Variants in MARK3 observed in about 807,000 individuals in gnomAD.
MARK3 encodes microtubule affinity regulating kinase 3, also known as MAP/microtubule affinity-regulating kinase 3.
MARK3 carries 46 observed loss-of-function variants against 90.1 expected under a neutral mutation model. The observed-to-expected ratio is 0.51, with a 90% CI of 0.40 to 0.65. The LOEUF (loss-of-function observed/expected upper bound fraction) is 0.65. Ranked by LOEUF, MARK3 falls within the 30% of genes least tolerant of loss-of-function variation. The pLI is 0.00. For synonymous variants in MARK3, 321 were observed against 332.6 expected (o/e 0.97, Z 0.38); for missense variants, 818 against 947.2 (o/e 0.86, Z 1.79).
intron 10 of MARK3, among the ~76,000 whole-genome samples, 198 bp from the exon 11 acceptor site, chr14:103,466,881 G>A (rs2093513829): frequency 6.6e-6 from 1 of 152,036 alleles, no homozygotes; most frequent in Non-Finnish European, 1.5e-5. Flanking sequence ...GCTCATGCCT[G>A]TAATCCCAGC....
chr14:103,407,948 G>T (rs2091413259), intron 2 of MARK3, among the ~76,000 whole-genome samples: 1 of 152,062 alleles, frequency 6.6e-6, no homozygotes, highest in Non-Finnish European at 1.5e-5. Context: ...GAACATTTCT[G>T]AGAAGTAATC....
At chr14:103,390,324 G>C (rs1037256247) in intron 1 of MARK3, among the ~76,000 whole-genome samples, 3 of 152,224 alleles carry the variant, frequency 2.0e-5, no homozygotes, top group African/African-American at 4.8e-5. Context: ...AGGTTGCTGA[G>C]ACTCAGAGAG....
chr14:103,461,635 G>A (rs2093402606), intron 6 of MARK3, among the ~76,000 whole-genome samples: 1 of 152,202 alleles, frequency 6.6e-6, no homozygotes, highest in Admixed American at 6.5e-5. Context: ...GTTGCAGGGA[G>A]CAGGCTGAGA....
rs528077407 is a variant in MARK3, at chr14:103,476,553, T to C, written c.1482+1343T>C. 6.6e-5 allele frequency among the ~76,000 whole-genome samples: 10 copies of C among 152,328 alleles called. No individual in the cohort carries two copies. The South Asian group carries it at 2.1e-3, about 32-fold the overall frequency. On this transcript the variant is annotated intron_variant, in intron 13 of 17. Transcript: ENST00000429436. ...TTGAATCCATTCAGCTTCAGAAACT[T>C]TTTTCTGTGTATTGAAGTATGTTCT...
intron 3 of MARK3, among the ~76,000 whole-genome samples, chr14:103,437,526 C>T (rs1302441304): frequency 6.6e-6 from 1 of 152,226 alleles, no homozygotes; most frequent in African/African-American, 2.4e-5. Context: ...ATCCTCCTTC[C>T]GAGGATTCCA....
At chr14:103,448,395 G>A (rs535279355) in intron 3 of MARK3, among the ~76,000 whole-genome samples, 1 of 152,240 alleles carries the variant, frequency 6.6e-6, no homozygotes, top group South Asian at 2.1e-4. Context: ...GGTCACTAAT[G>A]TAATAGTCAC....
At chr14:103,429,881 T>G (rs1230565511) in intron 3 of MARK3, among the ~76,000 whole-genome samples, 2 of 152,252 alleles carry the variant, frequency 1.3e-5, no homozygotes, top group African/African-American at 4.8e-5. Context: ...TGGATATAAT[T>G]GTAATCCTAA....
In MARK3 at chr14:103,426,269, CTTTTTTT is replaced by C. The variant is rs61014395; in HGVS notation, c.244-2104_244-2098del. Among the ~76,000 whole-genome samples, 1,238 of 143,930 alleles carry C rather than the reference CTTTTTTT, an allele frequency of 8.6e-3. 17 individuals are homozygous for C. Among genetic ancestry groups the C allele is most frequent in the Admixed American group, 0.038 (551 of 14,662 alleles). 94.4% of individuals were successfully genotyped at this position (143,930 alleles called of 152,430 possible). A position where few individuals can be genotyped will look rare whatever the true frequency, so the allele number is the denominator to read the frequency against. ...TTATTTTGAAATCAATTGTTAAATA[CTTTTTTT>C]TTTTTTTTTTTTTACAGTTTCTCAG... On this transcript the variant is annotated intron_variant, in intron 2 of 17. Coordinates refer to ENST00000429436, the MANE Select transcript of MARK3 (RefSeq NM_001128918.3).
intron 3 of MARK3, among the ~76,000 whole-genome samples, chr14:103,431,970 A>G (rs943057681): frequency 4.0e-5 from 6 of 150,402 alleles, no homozygotes; most frequent in Admixed American, 3.9e-4. Context: ...CATACTTGGA[A>G]TTGTTTCCCC....
At chr14:103,481,297 A>G (rs1414474589) in intron 14 of MARK3, among the ~76,000 whole-genome samples, 3 of 152,186 alleles carry the variant, frequency 2.0e-5, no homozygotes, top group Non-Finnish European at 4.4e-5. Context: ...TTGTTTTTGG[A>G]AGAGCAGTAA....
At position 103,492,382 on chromosome 14, in the gene MARK3, A is replaced by G. The variant is rs1015464109; in HGVS notation, c.1844+348A>G. Among the ~76,000 whole-genome samples the G allele has an allele frequency of 2.6e-5, 4 of 152,102 alleles. 1 individual carries two copies. Among genetic ancestry groups the G allele is most frequent in the Admixed American group, 6.6e-5 (1 of 15,260 alleles). ...TGGGGTGGGGGGCTGGCACTCTGTA[A>G]CAATCAGCAGGAAAGACCATGCATG... On this transcript the variant is annotated intron_variant, in intron 15 of 17. Transcript: ENST00000429436.
intron 2 of MARK3, among the ~76,000 whole-genome samples, chr14:103,409,741 G>T (rs1229556376): frequency 6.6e-6 from 1 of 152,124 alleles, no homozygotes; most frequent in Non-Finnish European, 1.5e-5. Flanking sequence ...CCTTGACCAT[G>T]TCTGGGTCTT....
At chr14:103,460,182 T>A (rs553453741) in intron 6 of MARK3, among the ~76,000 whole-genome samples, 18 of 134,026 alleles carry the variant, frequency 1.3e-4, no homozygotes, top group African/African-American at 5.0e-4. Context: ...GCCCCCTGGG[T>A]TCACGCCATT....
chr14:103,388,025 G>T (rs185224839), intron 1 of MARK3, among the ~76,000 whole-genome samples: 1 of 151,902 alleles, frequency 6.6e-6, no homozygotes, highest in East Asian at 1.9e-4. Context: ...TCCGCCTCCC[G>T]GGTTCAAGTG....
rs1455328080 is a variant in MARK3, at chr14:103,386,345, G to A, written c.51+265G>A. On this transcript the variant is annotated intron_variant, in intron 1 of 17. Coordinates refer to ENST00000429436, the MANE Select transcript of MARK3 (RefSeq NM_001128918.3). ...CCCAGGAGTTGCAGCGTTACGGATC[G>A]GTGCTTTGAGAGGCCAGGTTGCCGC... 3 of 689,898 alleles carry A rather than the reference G, an allele frequency of 4.3e-6. No individual in the cohort carries two copies. In the Admixed American group the frequency reaches 6.0e-5, roughly 14 times the overall value. The allele number at this position is 689,898 out of a possible 1,614,324, so 42.7% of individuals were successfully genotyped here.
chr14:103,423,200 C>CTTTTTTTTTTTTTTTTTT lies in MARK3; in HGVS notation c.244-5173_244-5172insTTTTTTTTTTTTTTTTTT, dbSNP rs10529756. 1.1e-3 allele frequency among the ~76,000 whole-genome samples: 105 copies of CTTTTTTTTTTTTTTTTTT among 94,694 alleles called. 14 individuals are homozygous for CTTTTTTTTTTTTTTTTTT. The highest frequency in any genetic ancestry group is 2.4e-3 in the South Asian group (5 of 2,112). 62.1% of individuals were successfully genotyped at this position (94,694 alleles called of 152,430 possible). A position where few individuals can be genotyped will look rare whatever the true frequency, so the allele number is the denominator to read the frequency against. On this transcript the variant is annotated intron_variant, in intron 2 of 17. Transcript: ENST00000429436. ...TCTATCCCCCTAGAGGACTTGCAGTCTTTTTTTTTTTTTTGCCTCCTCTTT... is the reference window on the plus strand; with the variant it reads ...TCTATCCCCCTAGAGGACTTGCAGTCTTTTTTTTTTTTTTTTTTTTTTTTTTTTTTTTGCCTCCTCTTT...
At chr14:103,467,494 GTC>G (rs1483783613) in intron 11 of MARK3, 1 of 186,270 alleles carries the variant, frequency 5.4e-6, no homozygotes, top group Non-Finnish European at 1.1e-5. Context: ...GGGAAACTCT[GTC>G]TCTGCTAAAA....
intron 7 of MARK3, 131 bp from the exon 8 acceptor site, chr14:103,465,421 TAGAAA>T: frequency 1.6e-6 from 1 of 627,018 alleles, no homozygotes; most frequent in Non-Finnish European, 2.8e-6. Flanking sequence ...TTTTTTTCTC[TAGAAA>T]GAATGTTTTC....
intron 2 of MARK3, among the ~76,000 whole-genome samples, chr14:103,424,058 A>G (rs759686837): frequency 8.6e-5 from 13 of 152,014 alleles, no homozygotes; most frequent in Non-Finnish European, 1.8e-4. Flanking sequence ...AAATACAAAA[A>G]TTAGCTGGGT....
Sources: allele counts gnomAD v4.1 joint callset (sites outside exome capture counted in the v4.1 genomes callset), GRCh38; gene constraint gnomAD v4.1.1; transcripts MANE v1.5; gene names NCBI Gene and HGNC (gene_info 2026-07-23, HGNC 2026-07-21).